SCUBE1: variants seen among roughly 807,000 people sequenced by gnomAD.
The protein encoded by SCUBE1 is signal peptide, CUB domain and EGF like domain containing 1.
In SCUBE1, 59 loss-of-function variants were observed where a neutral mutation model predicts 124.4. The ratio of observed to expected loss-of-function variants is 0.47; its 90% CI spans 0.38 to 0.59. The LOEUF (loss-of-function observed/expected upper bound fraction) is 0.59. Ranked by LOEUF, SCUBE1 falls within the 20% of genes least tolerant of loss-of-function variation. The pLI, the probability that SCUBE1 is intolerant of heterozygous loss-of-function variation, is 0.00. For synonymous variants in SCUBE1, 545 were observed against 550.9 expected (o/e 0.99, Z 0.15); for missense variants, 1,150 against 1,371.2 (o/e 0.84, Z 2.55).
chr22:43,252,617 C>T (rs1400454980), intron 6 of SCUBE1, among the ~76,000 whole-genome samples: 1 of 152,210 alleles, frequency 6.6e-6, no homozygotes, highest in Non-Finnish European at 1.5e-5. Context: ...GAAAGGGGCT[C>T]AGGCTGCCCA....
intron 20 of SCUBE1, 91 bp downstream of exon 20, chr22:43,207,981 T>A: frequency 6.9e-7 from 1 of 1,439,110 alleles, no homozygotes; most frequent in South Asian, 1.2e-5. Flanking sequence ...AGGTCGCAGC[T>A]CCCTGAGGGC....
At chr22:43,241,698 A>C (rs545376461) in intron 6 of SCUBE1, among the ~76,000 whole-genome samples, 1 of 152,148 alleles carries the variant, frequency 6.6e-6, no homozygotes, top group Non-Finnish European at 1.5e-5. Flanking sequence ...AGCACTTCCC[A>C]GCTCTAGCCC....
chr22:43,210,360 C>T lies in SCUBE1; in HGVS notation c.2384-120G>A, dbSNP rs572846807. The T allele has an allele frequency of 4.0e-5, 33 of 817,600 alleles. No individual in the cohort carries two copies. The highest frequency in any genetic ancestry group is 2.8e-4 in the South Asian group (13 of 46,306). The allele number at this position is 817,600 out of a possible 1,614,324, so 50.6% of individuals were successfully genotyped here. A position where few individuals can be genotyped will look rare whatever the true frequency, so the allele number is the denominator to read the frequency against. The stretch of plus-strand genomic sequence containing the variant: ...GCTGGAAGGTGCTCTTGTCCCCCCC[C>T]ACACTAGCCCTCGGACCCTGAGCCC... On this transcript the variant is annotated intron_variant, in intron 18 of 21. Transcript: ENST00000360835. This position sits in a 1 kb window ranked among gnomAD's most constrained non-coding sequence, Gnocchi z 4.5.
At chr22:43,281,461 A>AGCCATCCTCCTGTCACCTCCCTTG (rs1924860909) in intron 4 of SCUBE1, among the ~76,000 whole-genome samples, 4 of 46,478 alleles carry the variant, frequency 8.6e-5, no homozygotes, top group Non-Finnish European at 1.4e-4. Context: ...CATCTCCCTC[A>AGCCATCCTCCTGTCACCTCCCTTG]GCCACCCTCC....
chr22:43,218,599 G>T (rs1199424160), intron 14 of SCUBE1, 141 bp from the exon 15 acceptor site: 3 of 838,698 alleles, frequency 3.6e-6, no homozygotes, highest in African/African-American at 3.4e-5. Context: ...CTGGGGCAAG[G>T]GGCCACTGTC....
intron 3 of SCUBE1, among the ~76,000 whole-genome samples, chr22:43,296,995 G>C (rs192149345): frequency 6.6e-6 from 1 of 152,224 alleles, no homozygotes; most frequent in Admixed American, 6.5e-5. Context: ...GTCAGAGGTG[G>C]GAGAAGGGAA....
intron 7 of SCUBE1, chr22:43,238,502 C>T: frequency 1.7e-6 from 1 of 582,214 alleles, no homozygotes; most frequent in Non-Finnish European, 3.1e-6. Flanking sequence ...CACACTATCA[C>T]TGAGGGCCCA....
chr22:43,275,758 T>G (rs1039331327), intron 4 of SCUBE1, among the ~76,000 whole-genome samples: 1 of 152,134 alleles, frequency 6.6e-6, no homozygotes, highest in Non-Finnish European at 1.5e-5. Flanking sequence ...AAAGGGCACG[T>G]GTGCCGTAAC....
chr22:43,339,605 C>T (rs1569037785), intron 1 of SCUBE1, among the ~76,000 whole-genome samples: 1 of 146,310 alleles, frequency 6.8e-6, no homozygotes, highest in Admixed American at 6.6e-5. Context: ...CCCTACTCTC[C>T]TCACTCTATC....
At chr22:43,271,701 G>A (rs1327437560) in intron 4 of SCUBE1, among the ~76,000 whole-genome samples, 1 of 152,098 alleles carries the variant, frequency 6.6e-6, no homozygotes, top group Non-Finnish European at 1.5e-5. Flanking sequence ...AACAGCTGGC[G>A]GTCCCGGACT....
intron 10 of SCUBE1, among the ~76,000 whole-genome samples, chr22:43,225,675 T>C (rs566939947): frequency 1.3e-5 from 2 of 151,718 alleles, no homozygotes; most frequent in South Asian, 4.2e-4. Flanking sequence ...GTGCTGGGAT[T>C]ACAGGCGTGA....
intron 5 of SCUBE1, among the ~76,000 whole-genome samples, chr22:43,262,477 T>G (rs1415257069): frequency 1.3e-5 from 2 of 152,110 alleles, no homozygotes; most frequent in African/African-American, 4.8e-5. Context: ...TGCCATAAGA[T>G]CCAGCCCAGC....
At chr22:43,219,536 C>A (rs556844026) in intron 14 of SCUBE1, among the ~76,000 whole-genome samples, 1 of 150,216 alleles carries the variant, frequency 6.7e-6, no homozygotes, top group Non-Finnish European at 1.5e-5. Flanking sequence ...CACAGTGGCG[C>A]GATCTCAGCT....
intron 6 of SCUBE1, among the ~76,000 whole-genome samples, chr22:43,242,404 G>A (rs763649810): frequency 3.9e-5 from 6 of 152,212 alleles, no homozygotes; most frequent in African/African-American, 7.2e-5. Context: ...AGGCCAGGCC[G>A]CCTTTACCAT....
chr22:43,240,204 T>C, intron 6 of SCUBE1, among the ~76,000 whole-genome samples: 1 of 152,128 alleles, frequency 6.6e-6, no homozygotes, highest in East Asian at 1.9e-4. Flanking sequence ...TAGGATGAGC[T>C]GCGGCTGCCA....
intron 3 of SCUBE1, among the ~76,000 whole-genome samples, chr22:43,298,563 C>T (rs948586478): frequency 6.6e-6 from 1 of 152,208 alleles, no homozygotes; most frequent in Non-Finnish European, 1.5e-5. Flanking sequence ...CTCTGCTCTC[C>T]GCAACCTGAG....
At chr22:43,290,976 T>G in intron 4 of SCUBE1, 70 bp downstream of exon 4, 6 of 1,465,056 alleles carry the variant, frequency 4.1e-6, no homozygotes, top group Non-Finnish European at 4.6e-6. Context: ...AATTGAGATG[T>G]GGAGAAGGGG....
At chr22:43,246,141 G>C (rs955864631) in intron 6 of SCUBE1, among the ~76,000 whole-genome samples, 1 of 152,158 alleles carries the variant, frequency 6.6e-6, no homozygotes, top group Non-Finnish European at 1.5e-5. Flanking sequence ...GGACAGGGAG[G>C]TTTCATATTA....
chr22:43,279,251 T>C (rs1011234119), intron 4 of SCUBE1, among the ~76,000 whole-genome samples: 8 of 152,202 alleles, frequency 5.3e-5, no homozygotes, highest in Non-Finnish European at 1.2e-4. Flanking sequence ...CAGCCAGTCC[T>C]GAGACAGCTG....
Sources: gnomAD v4.1 joint callset for allele counts (sites outside exome capture counted in the v4.1 genomes callset) on GRCh38, gnomAD v4.1.1 for gene constraint, Gnocchi (gnomAD v3.1) non-coding constraint, MANE v1.5 for transcripts, NCBI Gene and HGNC (gene_info 2026-07-23, HGNC 2026-07-21) for gene names.